Variants in ESF1 observed in about 807,000 individuals in gnomAD.
ESF1 encodes the protein ESF1 homolog.
In ESF1, 58 loss-of-function variants were observed where a neutral mutation model predicts 92.0. That is an observed-to-expected ratio of 0.63 (90% CI 0.51 to 0.78). The LOEUF (loss-of-function observed/expected upper bound fraction) is 0.78. Ranked by LOEUF, ESF1 falls within the 30% of genes least tolerant of loss-of-function variation. ESF1 has a pLI of 0.00. For missense variants in ESF1, 922 were observed against 989.1 expected (o/e 0.93, Z 0.91); for synonymous variants, 321 against 313.7 (o/e 1.02, Z -0.24).
intron 4 of ESF1, among the ~76,000 whole-genome samples, chr20:13,774,382 A>G (rs558257758): frequency 1.3e-5 from 2 of 152,180 alleles, no homozygotes; most frequent in African/African-American, 2.4e-5. Flanking sequence ...AAGTATATAT[A>G]ATGCAATTTT....
At chr20:13,772,691 A>G in intron 4 of ESF1, 76 bp from the exon 5 acceptor site, 1 of 1,041,420 alleles carries the variant, frequency 9.6e-7, no homozygotes, top group Non-Finnish European at 1.5e-6. Context: ...GAAGTCAGGA[A>G]CTCTAAAAGT....
At chr20:13,749,504 A>G (rs1053562617) in intron 9 of ESF1, among the ~76,000 whole-genome samples, 7 of 152,098 alleles carry the variant, frequency 4.6e-5, no homozygotes. Flanking sequence ...ATGCTAAATA[A>G]TTTTACAGAT....
At chr20:13,771,578 C>T in intron 5 of ESF1, 95 bp from the exon 6 acceptor site, 2 of 1,026,084 alleles carry the variant, frequency 1.9e-6, no homozygotes, top group Admixed American at 2.3e-5. Flanking sequence ...AAACATATTA[C>T]AAGCTGGCCT....
At chr20:13,717,328 A>T in intron 13 of ESF1, 40 bp downstream of exon 13, 5 of 1,607,228 alleles carry the variant, frequency 3.1e-6, no homozygotes, top group Non-Finnish European at 4.2e-6. Context: ...TTTAGATTCA[A>T]TTCCAGCTTT....
At chr20:13,718,403 ACT>A (rs1568707128) in intron 12 of ESF1, among the ~76,000 whole-genome samples, 1 of 152,140 alleles carries the variant, frequency 6.6e-6, no homozygotes, top group Non-Finnish European at 1.5e-5. Context: ...ATTACGTGTG[ACT>A]CTGGACATAG....
intron 13 of ESF1, among the ~76,000 whole-genome samples, chr20:13,715,963 G>A (rs2049822026): frequency 6.6e-6 from 1 of 152,148 alleles, no homozygotes. Context: ...TATGAAGGCA[G>A]AATGACTACA....
intron 11 of ESF1, among the ~76,000 whole-genome samples, chr20:13,721,498 A>G (rs2049867830): frequency 6.6e-6 from 1 of 152,220 alleles, no homozygotes; most frequent in African/African-American, 2.4e-5. Context: ...CACACAAACA[A>G]TGACCTGGAT....
At chr20:13,730,693 G>T (rs975641739) in intron 10 of ESF1, among the ~76,000 whole-genome samples, 1 of 150,654 alleles carries the variant, frequency 6.6e-6, no homozygotes, top group Non-Finnish European at 1.5e-5. Flanking sequence ...CAGAACAAGC[G>T]CTTCTAAGAA....
At chr20:13,772,440 T>C in intron 5 of ESF1, 75 bp downstream of exon 5, 1 of 1,146,116 alleles carries the variant, frequency 8.7e-7, no homozygotes, top group Non-Finnish European at 1.3e-6. Flanking sequence ...GTTTTAACTA[T>C]TAAGGTGACC....
chr20:13,773,936 A>T (rs1242501741), intron 4 of ESF1, among the ~76,000 whole-genome samples: 1 of 152,076 alleles, frequency 6.6e-6, no homozygotes, highest in Non-Finnish European at 1.5e-5. Flanking sequence ...TCTACTAAAA[A>T]TACAAAAAAT....
Position 13,772,590 on chromosome 20 carries a change from T to C in ESF1, c.1175A>G (p.Glu392Gly). 2.5e-6 allele frequency: 4 copies of C among 1,612,454 alleles called. No individual in the cohort carries two copies. Among genetic ancestry groups the C allele is most frequent in the Non-Finnish European group, 3.4e-6 (4 of 1,179,180 alleles). Residue 392 changes from glutamate to glycine, a missense_variant, in exon 5 of 14, where the codon GAG becomes GGG. By Grantham distance (98) the Glu-to-Gly change is moderately conservative. Coordinates refer to ENST00000617257, the MANE Select transcript of ESF1 (RefSeq NM_001276380.2). ...VKIYPSEFGK[E>G]RMKEEQVQGP... ...TTGAACTTGCTCTTCCTTCATCCTC[T>C]CCTTTCCAAATTCTGAAGGATATAT...
chr20:13,772,550 T>C lies in ESF1; in HGVS notation c.1215A>G (p.Leu405=), dbSNP rs1979737646. 2.5e-6 allele frequency: 4 copies of C among 1,613,020 alleles called. No individual in the cohort carries two copies. Among genetic ancestry groups the C allele is most frequent in the East Asian group, 2.2e-5 (1 of 44,792 alleles). Residue 405 remains leucine (L), a synonymous_variant, in exon 5 of 14, where the codon CTA becomes CTG. Transcript: ENST00000617257. ...KEEQVQGPVE[L]LSIPEDAPEK... is the part of the protein sequence containing the mutation. ...CTGGGGCATCTTCAGGAATACTTAA[T>C]AGCTCTACTGGTCCTTGAACTTGCT... is the stretch of plus-strand genomic sequence containing the variant.
intron 9 of ESF1, among the ~76,000 whole-genome samples, chr20:13,747,893 T>A (rs1015974172): frequency 6.6e-6 from 1 of 152,236 alleles, no homozygotes; most frequent in Non-Finnish European, 1.5e-5. Flanking sequence ...CTAGGTTACA[T>A]GGTATGACCT....
Position 13,717,730 on chromosome 20 carries a change from G to C in ESF1, c.2116-216C>G, listed in dbSNP as rs185637893. 1.0e-3 allele frequency among the ~76,000 whole-genome samples: 159 copies of C among 152,254 alleles called. 2 individuals carry two copies. Among genetic ancestry groups the C allele is most frequent in the Admixed American group, 0.01 (158 of 15,290 alleles). On this transcript the variant is annotated intron_variant, in intron 12 of 13. Transcript: ENST00000617257. ...GAATCTCTGGAAGCAACATTACTGAGAGCAGGAGAGGTAAAACCTTGTAGT... is the reference window on the plus strand; with the variant it reads ...GAATCTCTGGAAGCAACATTACTGACAGCAGGAGAGGTAAAACCTTGTAGT...
In ESF1 at chr20:13,770,028, A is replaced by T. The variant is rs764203459; in HGVS notation, c.1404-7T>A. The T allele has an allele frequency of 6.5e-7, 1 of 1,544,036 alleles. No homozygotes were observed. The highest frequency in any genetic ancestry group is 1.4e-5 in the African/African-American group (1 of 72,536). On this transcript the variant is annotated splice_polypyrimidine_tract_variant and splice_region_variant and intron_variant, in intron 6 of 13. Transcript: ENST00000617257. ...AATATCATCTGGTATAAACCTAAGA[A>T]GTAAAGAAAAAAAATTTATTTAAAA...
chr20:13,737,227 ACAAATAAGGGG>A (rs1301359486), intron 9 of ESF1, among the ~76,000 whole-genome samples: 1 of 152,222 alleles, frequency 6.6e-6, no homozygotes, highest in Non-Finnish European at 1.5e-5. Context: ...CAATAATCCT[ACAAATAAGGGG>A]CAAAAACATC....
At chr20:13,716,646 T>C (rs938436724) in intron 13 of ESF1, among the ~76,000 whole-genome samples, 1 of 148,730 alleles carries the variant, frequency 6.7e-6, no homozygotes, top group Non-Finnish European at 1.5e-5. Flanking sequence ...TTTTTTCTTT[T>C]TTTTTTTTTT....
chr20:13,733,263 G>C (rs1288306213), intron 10 of ESF1, among the ~76,000 whole-genome samples: 1 of 152,094 alleles, frequency 6.6e-6, no homozygotes, highest in African/African-American at 2.4e-5. Context: ...ATGACAATAA[G>C]GTGACAGATG....
chr20:13,775,896 T>C lies in ESF1; in HGVS notation c.1012A>G (p.Lys338Glu). 3.1e-6 allele frequency: 5 copies of C among 1,608,970 alleles called. No homozygotes were observed. The highest frequency in any genetic ancestry group is 4.2e-6 in the Non-Finnish European group (5 of 1,177,734). The change falls in exon 3 of 14, where the codon AAA becomes GAA. Residue 338 changes from lysine (K) to glutamate (E), a missense_variant. Physicochemically the swap from Lys to Glu is moderately conservative, Grantham distance 56 (BLOSUM62 1). Coordinates refer to ENST00000617257, the MANE Select transcript of ESF1 (RefSeq NM_001276380.2). ...GFEHAWRELD[K>E]DAPRADEITR... ...ACCTCATCAGCACGAGGAGCATCTT[T>C]ATCTAATTCTCTCCAAGCATGCTCA...
Sources: gnomAD v4.1 joint callset for allele counts (sites outside exome capture counted in the v4.1 genomes callset) on GRCh38, gnomAD v4.1.1 for gene constraint, MANE v1.5 for transcripts, NCBI Gene and HGNC (gene_info 2026-07-23, HGNC 2026-07-21) for gene names.